The following SSC5D variants were observed in gnomAD, a reference collection of about 807,000 sequenced individuals.
SSC5D encodes soluble scavenger receptor cysteine-rich domain-containing protein SSC5D.
A neutral mutation model predicts 104.6 loss-of-function variants in SSC5D; 106 were observed. The ratio of observed to expected loss-of-function variants is 1.01; its 90% confidence interval spans 0.87 to 1.19. The LOEUF (loss-of-function observed/expected upper bound fraction) is 1.19. SSC5D is among the 50% of genes most tolerant of loss of function. The pLI is 0.00. For missense variants in SSC5D, 1,993 were observed against 2,153.8 expected (o/e 0.93, Z 1.48); for synonymous variants, 860 against 883.5 (o/e 0.97, Z 0.47).
chr19:55,506,330 C>T (rs11879100), intron 12 of SSC5D, among the ~76,000 whole-genome samples: 1 of 137,960 alleles, frequency 7.2e-6, no homozygotes, highest in Non-Finnish European at 1.5e-5. Flanking sequence ...CATTGTAAGT[C>T]TAAGAGACAC....
At chr19:55,499,665 G>A (rs972604765) in intron 9 of SSC5D, 151 bp from the exon 10 acceptor site, 5 of 716,296 alleles carry the variant, frequency 7.0e-6, no homozygotes, top group African/African-American at 5.4e-5. Context: ...GTGGCTCATA[G>A]GAGGTGCTCA....
chr19:55,514,542 A>G (rs1987828218), intron 13 of SSC5D, among the ~76,000 whole-genome samples: 1 of 150,068 alleles, frequency 6.7e-6, no homozygotes, highest in African/African-American at 2.4e-5. Flanking sequence ...CGGAGGTTGC[A>G]GTGAGCTGAG....
rs1486985820 is a variant in SSC5D, at chr19:55,488,562, C to T, written c.-28C>T. 1 of 1,548,216 alleles carries T rather than the reference C, an allele frequency of 6.5e-7. No homozygotes were observed. The highest frequency in any genetic ancestry group is 2.4e-5 in the East Asian group (1 of 40,826). On this transcript the variant is annotated 5_prime_UTR_variant, in exon 1 of 14. Coordinates refer to ENST00000389623, the MANE Select transcript of SSC5D (RefSeq NM_001144950.2). ...TCTCTCCCCGCTCTCCTTCCCCTTT[C>T]ACCCCATCCCCTGCCCTGGCTGCAA...
rs1987106401 is a variant in SSC5D, at chr19:55,490,420, G to T, written c.586+12G>T. Reference sequence around the variant, plus strand: ...AGCCCCCCGCCAAGGTAAGCTCCCTGCAGGCTCCCCCGACCCCAAGGCTGG... The same window carrying T: ...AGCCCCCCGCCAAGGTAAGCTCCCTTCAGGCTCCCCCGACCCCAAGGCTGG... On this transcript the variant is annotated intron_variant, in intron 5 of 13. Transcript: ENST00000389623. The T allele has an allele frequency of 6.5e-6, 6 of 929,446 alleles. No individual in the cohort carries two copies. The highest frequency in any genetic ancestry group is 9.5e-6 in the Non-Finnish European group (6 of 632,570). The allele number at this position is 929,446 out of a possible 1,614,324, so 57.6% of individuals were successfully genotyped here. A position where few individuals can be genotyped will look rare whatever the true frequency, so the allele number is the denominator to read the frequency against.
At chr19:55,491,130 TCC>T (rs1648236500) in intron 6 of SSC5D, 50 bp downstream of exon 6, 2 of 1,510,222 alleles carry the variant, frequency 1.3e-6, no homozygotes. Context: ...AGACCCCAGC[TCC>T]CTCTTGCCCC....
chr19:55,494,552 GCCGGCTCC>G, intron 7 of SSC5D, 50 bp from the exon 8 acceptor site: 1 of 1,443,052 alleles, frequency 6.9e-7, no homozygotes, highest in South Asian at 1.4e-5. Flanking sequence ...AGGTGGGGGT[GCCGGCTCC>G]GGGATGGAGG....
In SSC5D at chr19:55,491,085, G is replaced by A. The variant is rs1199327063; in HGVS notation, c.895+5G>A. The A allele has an allele frequency of 2.1e-5, 32 of 1,546,434 alleles. No individual in the cohort carries two copies. The highest frequency in any genetic ancestry group is 2.5e-5 in the East Asian group (1 of 40,768). Reference sequence around the variant, plus strand: ...ATGCGGGGCTGGTCTGCACCGGTACGTCGGGCTGGGGCCTGGCCCCCTCCT... The same window carrying A: ...ATGCGGGGCTGGTCTGCACCGGTACATCGGGCTGGGGCCTGGCCCCCTCCT... On this transcript the variant is annotated splice_donor_5th_base_variant and intron_variant, in intron 6 of 13. Transcript: ENST00000389623.
rs1215906958 is a variant in SSC5D, at chr19:55,501,804, C to T, written c.2785+603C>T. Among the ~76,000 whole-genome samples the T allele has an allele frequency of 2.6e-5, 4 of 152,310 alleles. No individual in the cohort carries two copies. The East Asian group carries it at 7.7e-4, about 29-fold the overall frequency. ...CATCACTGTCACCACATTCTTCTGC[C>T]TTTTTCTTTGCCTGTCTTCCTTGTA... On this transcript the variant is annotated intron_variant, in intron 12 of 13. Coordinates refer to ENST00000389623, the MANE Select transcript of SSC5D (RefSeq NM_001144950.2).
chr19:55,496,547 G>C (rs553187875), intron 8 of SSC5D, among the ~76,000 whole-genome samples: 2 of 152,102 alleles, frequency 1.3e-5, no homozygotes, highest in Admixed American at 1.3e-4. Context: ...GCTGTTCCCA[G>C]TTCTCTCCGT....
chr19:55,517,059 G>C (rs1042567530), intron 13 of SSC5D, among the ~76,000 whole-genome samples, 165 bp from the exon 14 acceptor site: 2 of 152,232 alleles, frequency 1.3e-5, no homozygotes, highest in Non-Finnish European at 2.9e-5. Flanking sequence ...ATCGGAGGAC[G>C]TAGGGAGGAG....
chr19:55,512,941 A>G, intron 12 of SSC5D, 70 bp from the exon 13 acceptor site: 1 of 1,538,886 alleles, frequency 6.5e-7, no homozygotes. Flanking sequence ...CTGGCCCAGG[A>G]GGAGAGAGAC....
chr19:55,489,851 CAT>C (rs1987081427), intron 3 of SSC5D, 29 bp from the exon 4 acceptor site: 1 of 1,538,384 alleles, frequency 6.5e-7, no homozygotes, highest in Non-Finnish European at 8.8e-7. Context: ...CTCCTCTCCT[CAT>C]AGCTTCTGTC....
At chr19:55,517,150 G>C in intron 13 of SSC5D, 74 bp from the exon 14 acceptor site, 2 of 1,368,178 alleles carry the variant, frequency 1.5e-6, no homozygotes, top group Non-Finnish European at 2.0e-6. Context: ...GGCTCCTCGA[G>C]GGGCGGGGCG....
chr19:55,498,926 TC>T (rs1414023616), intron 9 of SSC5D, among the ~76,000 whole-genome samples: 1 of 152,188 alleles, frequency 6.6e-6, no homozygotes, highest in Non-Finnish European at 1.5e-5. Flanking sequence ...GAGGCAGGGC[TC>T]AGGAGACAGT....
Position 55,497,991 on chromosome 19 carries a change from A to T in SSC5D, c.1499A>T (p.Asp500Val), listed in dbSNP as rs775364646. The change falls in exon 9 of 14, where the codon GAT (aspartate) becomes GTT (valine). Residue 500 changes from aspartate to valine, a missense_variant. This residue lies in a region of SSC5D where 1,101 missense variants were observed against 1,085.0 expected (regional missense o/e 1.01). Transcript: ENST00000389623. ...TVCDDSWDMRDSAVVCRELGC... is the reference protein window; with the variant it reads ...TVCDDSWDMRVSAVVCRELGC... ...TGTGACGATAGCTGGGACATGCGGGATTCAGCTGTGGTCTGCCGGGAGCTG... is the reference window on the plus strand; with the variant it reads ...TGTGACGATAGCTGGGACATGCGGGTTTCAGCTGTGGTCTGCCGGGAGCTG... 1.9e-6 allele frequency: 3 copies of T among 1,551,738 alleles called. No individual in the cohort carries two copies. The highest frequency in any genetic ancestry group is 1.2e-5 in the South Asian group (1 of 84,060).
intron 13 of SSC5D, among the ~76,000 whole-genome samples, chr19:55,515,601 G>A (rs1288289631): frequency 1.3e-5 from 2 of 151,002 alleles, no homozygotes; most frequent in Non-Finnish European, 3.0e-5. Context: ...ACATGGTGGC[G>A]AGCGCCTGTA....
Position 55,500,956 on chromosome 19 carries a change from CA to C in SSC5D, c.2618-74del, listed in dbSNP as rs1987483644. 4 of 1,537,324 alleles carry C rather than the reference CA, an allele frequency of 2.6e-6. No individual in the cohort carries two copies. In the East Asian group the frequency reaches 9.8e-5, roughly 38 times the overall value. ...ATCCCAGAGTTGCTCCAGAAGATTC[CA>C]AAAGGGGAGGGAAGAGCAGCAGCAA... On this transcript the variant is annotated intron_variant, in intron 11 of 13. Coordinates refer to ENST00000389623, the MANE Select transcript of SSC5D (RefSeq NM_001144950.2). The surrounding 1 kb of genome is among the most constrained non-coding windows in gnomAD (Gnocchi z 4.6).
intron 12 of SSC5D, chr19:55,504,050 A>C: frequency 1.4e-6 from 2 of 1,469,732 alleles, no homozygotes; most frequent in Non-Finnish European, 1.8e-6. Flanking sequence ...AGCAGGCCCT[A>C]GAGGCGCCGT....
At position 55,493,664 on chromosome 19, in the gene SSC5D, G is replaced by A. The variant is rs1455524152; in HGVS notation, c.965G>A (p.Gly322Glu). ...GCCGGCCGCCTGGAGGTCTGGCACG[G>A]GGGTCGCTGGGGGTCGGTGTGTGAC... ...GCAGRLEVWH[G>E]GRWGSVCDDA... The change falls in exon 7 of 14, where the codon GGG (glycine) becomes GAG (glutamate). Residue 322 changes from glycine to glutamate, a missense_variant. Physicochemically the swap from Gly to Glu is moderately conservative, Grantham distance 98 (BLOSUM62 -2). This residue lies in a region of SSC5D where 1,101 missense variants were observed against 1,085.0 expected (regional missense o/e 1.01). Coordinates refer to ENST00000389623, the MANE Select transcript of SSC5D (RefSeq NM_001144950.2). 1.3e-6 allele frequency: 2 copies of A among 1,506,032 alleles called. No homozygotes were observed. Among genetic ancestry groups the A allele is most frequent in the Non-Finnish European group, 1.8e-6 (2 of 1,134,600 alleles). 93.3% of individuals were successfully genotyped at this position (1,506,032 alleles called of 1,614,324 possible).
Sources: gnomAD v4.1 joint callset for allele counts (sites outside exome capture counted in the v4.1 genomes callset) on GRCh38, gnomAD v4.1.1 for gene constraint, gnomAD v4.1.1 regional missense constraint, Gnocchi (gnomAD v3.1) non-coding constraint, MANE v1.5 for transcripts, NCBI Gene and HGNC (gene_info 2026-07-23, HGNC 2026-07-21) for gene names.